Variants in PNPLA6 observed in about 807,000 individuals in gnomAD.
PNPLA6 encodes the protein patatin like domain 6, lysophospholipase, also known as patatin-like phospholipase domain-containing protein 6.
PNPLA6 carries 105 observed loss-of-function variants against 153.7 expected under a neutral mutation model. The ratio of observed to expected loss-of-function variants is 0.68; its 90% CI spans 0.58 to 0.80. PNPLA6 has a LOEUF of 0.80. PNPLA6 is among the 30% of genes least tolerant of loss of function. PNPLA6 has a pLI of 0.00. For synonymous variants in PNPLA6, 825 were observed against 822.2 expected (o/e 1.00, Z -0.06); for missense variants, 1,423 against 1,919.3 (o/e 0.74, Z 4.83).
At chr19:7,558,765 C>T in intron 27 of PNPLA6, 85 bp from the exon 28 acceptor site, 1 of 919,076 alleles carries the variant, frequency 1.1e-6, no homozygotes, top group East Asian at 2.6e-5. Flanking sequence ...TGATCATTTG[C>T]ATGATGGCAT....
At chr19:7,557,783 C>CCAAAAAAAA (rs773767930) in intron 27 of PNPLA6, among the ~76,000 whole-genome samples, 1 of 110,600 alleles carries the variant, frequency 9.0e-6, no homozygotes, top group Non-Finnish European at 1.7e-5. Flanking sequence ...GACTCAGTCT[C>CCAAAAAAAA]AAAAAAAAAA....
intron 29 of PNPLA6, 95 bp downstream of exon 29, chr19:7,560,859 T>G (rs778972962): frequency 1.1e-6 from 1 of 909,736 alleles, no homozygotes; most frequent in Non-Finnish European, 1.8e-6. Flanking sequence ...TGACCCCACA[T>G]GTCCCTGGGT....
chr19:7,537,465 G>C (rs1202117472), intron 3 of PNPLA6, among the ~76,000 whole-genome samples: 2 of 152,176 alleles, frequency 1.3e-5, no homozygotes, highest in African/African-American at 4.8e-5. Flanking sequence ...AGAGATCCCT[G>C]TTGGCAGCAA....
At chr19:7,558,652 C>T (rs1420202795) in intron 27 of PNPLA6, among the ~76,000 whole-genome samples, 198 bp from the exon 28 acceptor site, 3 of 152,142 alleles carry the variant, frequency 2.0e-5, no homozygotes, top group African/African-American at 7.2e-5. Context: ...ACAAAACCTC[C>T]CAACACCTGA....
Position 7,555,811 on chromosome 19 carries a change from C to T in PNPLA6, c.3093+48C>T. 1 of 1,600,668 alleles carries T rather than the reference C, an allele frequency of 6.2e-7. No homozygotes were observed. Among genetic ancestry groups the T allele is most frequent in the Non-Finnish European group, 8.5e-7 (1 of 1,173,950 alleles). ...GCTGCACCCCAGGAGTGCCATAAAA[C>T]CCGTGGTTCCAACCTAACCTGATCC... On this transcript the variant is annotated intron_variant, in intron 24 of 31. Transcript: ENST00000600737. The surrounding 1 kb of genome is among the most constrained non-coding windows in gnomAD (Gnocchi z 6.3).
In PNPLA6 at chr19:7,557,191, G is replaced by A. The variant is rs1236012815; in HGVS notation, c.3304G>A (p.Ala1102Thr). The A allele has an allele frequency of 8.1e-6, 13 of 1,612,756 alleles. No homozygotes were observed. The highest frequency in any genetic ancestry group is 5.0e-5 in the Admixed American group (3 of 59,960). The change falls in exon 27 of 32, where the codon GCC becomes ACC. Residue 1102 changes from alanine (A) to threonine (T), a missense_variant. Physicochemically the swap from Ala to Thr is moderately conservative, Grantham distance 58. Around this residue, in one of 10 missense-constraint regions of PNPLA6, gnomAD observed 643 missense variants for 835.2 expected, o/e 0.77. Transcript: ENST00000600737. The stretch of plus-strand genomic sequence containing the variant: ...AGGCTCCCTGTGGCGGTACGTGCGC[G>A]CCAGCATGACGCTGTCGGGCTACCT... Reference protein sequence around the residue: ...KDGSLWRYVRASMTLSGYLPP... With the variant: ...KDGSLWRYVRTSMTLSGYLPP...
chr19:7,554,886 T>G lies in PNPLA6; in HGVS notation c.2635-7T>G, dbSNP rs754332374. ...GGCTGGTGACCTCAGCCGTCCGTAT[T>G]CCGCAGCTGGAGCAGATGCTGGAGA... is the stretch of plus-strand genomic sequence containing the variant. On this transcript the variant is annotated splice_polypyrimidine_tract_variant and splice_region_variant and intron_variant, in intron 21 of 31. Transcript: ENST00000600737. The G allele has an allele frequency of 1.3e-6, 2 of 1,581,700 alleles. No homozygotes were observed. Among genetic ancestry groups the G allele is most frequent in the Non-Finnish European group, 1.7e-6 (2 of 1,168,760 alleles).
chr19:7,549,676 C>T, intron 13 of PNPLA6: 1 of 575,956 alleles, frequency 1.7e-6, no homozygotes, highest in South Asian at 2.0e-5. Flanking sequence ...TTAGTAGAGA[C>T]AGGTTTCGCC....
In PNPLA6 at chr19:7,542,874, C is replaced by G. The variant is rs1040498593; in HGVS notation, c.1476C>G (p.Thr492=). Residue 492 remains threonine (T), a synonymous_variant, in exon 12 of 32, where the codon ACC becomes ACG. Transcript: ENST00000600737. ...TCGGGCCCTACCAGGGCCGCCAGAC[C>G]AGCAGCATCTTCGAGGCAGCAAAGC... The part of the protein sequence containing the change: ...CPFGPYQGRQ[T]SSIFEAAKQE... The G allele has an allele frequency of 6.2e-7, 1 of 1,613,206 alleles. No individual in the cohort carries two copies. Among genetic ancestry groups the G allele is most frequent in the Non-Finnish European group, 8.5e-7 (1 of 1,179,900 alleles).
chr19:7,540,815 T>C lies in PNPLA6; in HGVS notation c.795+105T>C. On this transcript the variant is annotated intron_variant, in intron 6 of 31. Transcript: ENST00000600737. This position sits in a 1 kb window ranked among gnomAD's most constrained non-coding sequence, Gnocchi z 6.8. ...TCCCCAATCTCTGGTTCATCCGTTA[T>C]GCTGCCGATGGCCCCTCACGGGACT... 1 of 1,563,130 alleles carries C rather than the reference T, an allele frequency of 6.4e-7. No individual in the cohort carries two copies. Among genetic ancestry groups the C allele is most frequent in the East Asian group, 2.2e-5 (1 of 44,642 alleles).
At position 7,555,554 on chromosome 19, in the gene PNPLA6, G is replaced by A; in HGVS notation, c.2937-53G>A. On this transcript the variant is annotated intron_variant, in intron 23 of 31. Transcript: ENST00000600737. The surrounding 1 kb of genome is among the most constrained non-coding windows in gnomAD (Gnocchi z 6.3). ...GGAGGTGGGAGGAGGTAGGGGCAGGGGAGTTCCTGCAGGTGGGGCCTAGCG... is the reference window on the plus strand; with the variant it reads ...GGAGGTGGGAGGAGGTAGGGGCAGGAGAGTTCCTGCAGGTGGGGCCTAGCG... 1 of 1,588,338 alleles carries A rather than the reference G, an allele frequency of 6.3e-7. No homozygotes were observed. The highest frequency in any genetic ancestry group is 1.1e-5 in the South Asian group (1 of 89,376).
At position 7,555,415 on chromosome 19, in the gene PNPLA6, G is replaced by T; in HGVS notation, c.2936+48G>T. ...GGGGGCGGGGCCTGGATGTCCGAGGGTGGAGCTTCCTGGGAGAAACCGTGG... is the reference window on the plus strand; with the variant it reads ...GGGGGCGGGGCCTGGATGTCCGAGGTTGGAGCTTCCTGGGAGAAACCGTGG... On this transcript the variant is annotated intron_variant, in intron 23 of 31. Transcript: ENST00000600737. This position sits in a 1 kb window ranked among gnomAD's most constrained non-coding sequence, Gnocchi z 6.3. 2 of 1,423,002 alleles carry T rather than the reference G, an allele frequency of 1.4e-6. No homozygotes were observed. 88.1% of individuals were successfully genotyped at this position (1,423,002 alleles called of 1,614,324 possible).
rs998805620 is a variant in PNPLA6 at position 7,542,557 on chromosome 19, G to A, written c.1253-4G>A. The A allele has an allele frequency of 2.1e-5, 34 of 1,611,322 alleles. No homozygotes were observed. Among genetic ancestry groups the A allele is most frequent in the Non-Finnish European group, 2.5e-5 (30 of 1,177,896 alleles). ...GTTTTTGTTGCCCCCCTGCCTGCCT[G>A]CAGGCTTGCAGGGTGGCCCCCGCTC... On this transcript the variant is annotated splice_region_variant and splice_polypyrimidine_tract_variant and intron_variant, in intron 10 of 31. Coordinates refer to ENST00000600737, the MANE Select transcript of PNPLA6 (RefSeq NM_001166114.2).
At chr19:7,550,712 C>T (rs916104102) in intron 16 of PNPLA6, 72 bp downstream of exon 16, 5 of 1,570,946 alleles carry the variant, frequency 3.2e-6, no homozygotes, top group Non-Finnish European at 4.3e-6. Flanking sequence ...CACACATCAT[C>T]CCGGGTAATC....
Position 7,540,892 on chromosome 19 carries a change from T to C in PNPLA6, c.796-31T>C. The C allele has an allele frequency of 6.2e-7, 1 of 1,612,942 alleles. No homozygotes were observed. Among genetic ancestry groups the C allele is most frequent in the Non-Finnish European group, 8.5e-7 (1 of 1,179,860 alleles). ...CGAGGGGGACTCGCAGCCTCTGCCC[T>C]TGTCTCTCTTCACGCCCTCCCCTCC... On this transcript the variant is annotated intron_variant, in intron 6 of 31. Coordinates refer to ENST00000600737, the MANE Select transcript of PNPLA6 (RefSeq NM_001166114.2). This position sits in a 1 kb window ranked among gnomAD's most constrained non-coding sequence, Gnocchi z 6.8.
rs577610164 is a variant in PNPLA6 at position 7,551,246 on chromosome 19, C to T, written c.2185-116C>T. 8.0e-4 allele frequency: 895 copies of T among 1,125,590 alleles called. 4 individuals are homozygous for T. Among genetic ancestry groups the T allele is most frequent in the Middle Eastern group, 6.3e-3 (24 of 3,826 alleles). The allele number at this position is 1,125,590 out of a possible 1,614,324, so 69.7% of individuals were successfully genotyped here. A position where few individuals can be genotyped will look rare whatever the true frequency, so the allele number is the denominator to read the frequency against. On this transcript the variant is annotated intron_variant, in intron 17 of 31. Coordinates refer to ENST00000600737, the MANE Select transcript of PNPLA6 (RefSeq NM_001166114.2). ...AAGCGAGAGAGTGAGGGCGGGGGCT[C>T]TCGGGGGTGGGACCCAGGTAACGGG...
chr19:7,537,349 G>A lies in PNPLA6; in HGVS notation c.413+803G>A, dbSNP rs138601739. On this transcript the variant is annotated intron_variant, in intron 3 of 31. Coordinates refer to ENST00000600737, the MANE Select transcript of PNPLA6 (RefSeq NM_001166114.2). ...TCAGAAGGCATCTTTCCTATGTTAT[G>A]GACCTTGAAGTTCTTCCCACACTAA... 1.7e-4 allele frequency among the ~76,000 whole-genome samples: 26 copies of A among 152,194 alleles called. No homozygotes were observed. In the East Asian group the frequency reaches 5.0e-3, roughly 29 times the overall value.
Position 7,561,098 on chromosome 19 carries a change from G to A in PNPLA6, c.3901G>A (p.Gly1301Ser), listed in dbSNP as rs1350448949. The change falls in exon 30 of 32, where the codon GGC becomes AGC. Residue 1301 changes from glycine (G) to serine (S), a missense_variant. By Grantham distance (56) the Gly-to-Ser change is moderately conservative. This residue lies in a region of PNPLA6 where 643 missense variants were observed against 835.2 expected (regional missense o/e 0.77). Coordinates refer to ENST00000600737, the MANE Select transcript of PNPLA6 (RefSeq NM_001166114.2). ...IEPPTSYVSD[G>S]CADGEESDCL... is the part of the protein sequence containing the mutation. ...GCCCCCCACGAGCTATGTCTCTGAT[G>A]GCTGTGCTGACGGTGAGGGGCCCAG... is the stretch of plus-strand genomic sequence containing the variant. 4 of 1,608,888 alleles carry A rather than the reference G, an allele frequency of 2.5e-6. No homozygotes were observed. In the African/African-American group the frequency reaches 5.5e-5, roughly 22 times the overall value.
chr19:7,534,391 C>T (rs1202867975), upstream of PNPLA6: 2 of 166,862 alleles, frequency 1.2e-5, no homozygotes, highest in Admixed American at 1.1e-4. Flanking sequence ...GTTTCCACAC[C>T]GGTAGCCAGC....
Sources: allele counts gnomAD v4.1 joint callset (sites outside exome capture counted in the v4.1 genomes callset), GRCh38; gene constraint gnomAD v4.1.1; regional missense constraint gnomAD v4.1.1; non-coding constraint Gnocchi (gnomAD v3.1); transcripts MANE v1.5; gene names NCBI Gene and HGNC (gene_info 2026-07-23, HGNC 2026-07-21).